RIMS2: variants seen among roughly 807,000 people sequenced by gnomAD.
RIMS2 encodes regulating synaptic membrane exocytosis protein 2.
RIMS2 carries 59 observed loss-of-function variants against 174.4 expected under a neutral mutation model. The ratio of observed to expected loss-of-function variants is 0.34; its 90% CI spans 0.27 to 0.42. RIMS2 has a LOEUF of 0.42. Among genes scored for constraint, RIMS2 ranks in the 10% least tolerant of loss-of-function variants. The pLI is 1.00. For missense variants in RIMS2, 1,620 were observed against 1,666.3 expected (o/e 0.97, Z 0.48); for synonymous variants, 606 against 572.5 (o/e 1.06, Z -0.84).
intron 2 of RIMS2, among the ~76,000 whole-genome samples, chr8:103,765,259 G>T (rs1474640092): frequency 6.6e-6 from 1 of 152,124 alleles, no homozygotes; most frequent in African/African-American, 2.4e-5. Context: ...TTTCAGAAAA[G>T]GGTGAAGGGC....
At chr8:103,831,265 A>G (rs1435420227) in intron 3 of RIMS2, among the ~76,000 whole-genome samples, 2 of 152,138 alleles carry the variant, frequency 1.3e-5, no homozygotes, top group Non-Finnish European at 1.5e-5. Flanking sequence ...CCCCCTTCCA[A>G]ATATGAATAG....
chr8:103,679,676 T>G (rs1472284452), intron 1 of RIMS2, among the ~76,000 whole-genome samples: 5 of 152,008 alleles, frequency 3.3e-5, no homozygotes, highest in Admixed American at 6.6e-5. Context: ...TTAGTTTCCT[T>G]AGTGATGAGG....
chr8:104,087,386 G>A (rs1440402142), intron 19 of RIMS2, among the ~76,000 whole-genome samples: 2 of 152,078 alleles, frequency 1.3e-5, no homozygotes, highest in Non-Finnish European at 2.9e-5. Context: ...TACATGGATG[G>A]ATGGATGGAT....
chr8:103,955,510 T>C (rs1289868784), intron 14 of RIMS2, among the ~76,000 whole-genome samples: 1 of 152,128 alleles, frequency 6.6e-6, no homozygotes, highest in Non-Finnish European at 1.5e-5. Flanking sequence ...CACATGATTA[T>C]CTCAATAGAT....
chr8:103,988,169 C>T (rs539656740), intron 16 of RIMS2, among the ~76,000 whole-genome samples: 1 of 152,252 alleles, frequency 6.6e-6, no homozygotes, highest in South Asian at 2.1e-4. Context: ...ACTTGAATAA[C>T]AGCAGCAAAA....
chr8:103,853,443 C>T (rs1376249611), intron 3 of RIMS2, among the ~76,000 whole-genome samples: 1 of 151,864 alleles, frequency 6.6e-6, no homozygotes, highest in African/African-American at 2.4e-5. Context: ...GGGGATTTAG[C>T]CAAAAATTCT....
intron 19 of RIMS2, among the ~76,000 whole-genome samples, chr8:104,066,113 T>C (rs2097101562): frequency 6.6e-6 from 1 of 152,168 alleles, no homozygotes; most frequent in Non-Finnish European, 1.5e-5. Flanking sequence ...ACACTTATTA[T>C]ATATGCATTG....
At chr8:104,001,437 A>G (rs776467642) in intron 17 of RIMS2, among the ~76,000 whole-genome samples, 3 of 152,002 alleles carry the variant, frequency 2.0e-5, no homozygotes, top group Admixed American at 6.6e-5. Flanking sequence ...AATGTGTATT[A>G]GTTACAACAC....
chr8:104,168,507 T>C (rs2098811104), intron 19 of RIMS2, among the ~76,000 whole-genome samples: 1 of 152,194 alleles, frequency 6.6e-6, no homozygotes, highest in South Asian at 2.1e-4. Context: ...TTTGAGTACC[T>C]TGATTTTGTA....
At chr8:103,697,274 G>C in exon 2 of RIMS2, 1 of 1,613,174 alleles carries the variant, frequency 6.2e-7, no homozygotes, top group Non-Finnish European at 8.5e-7. Context: ...TGTGGAGGTC[G>C]AGTGTCATTA....
At chr8:103,923,741 C>A (rs565850008) in intron 10 of RIMS2, among the ~76,000 whole-genome samples, 2 of 151,752 alleles carry the variant, frequency 1.3e-5, no homozygotes, top group African/African-American at 4.8e-5. Context: ...TACCCATACC[C>A]CACCCACATA....
chr8:104,087,950 A>G (rs1429582944), intron 19 of RIMS2, among the ~76,000 whole-genome samples: 3 of 152,002 alleles, frequency 2.0e-5, no homozygotes, highest in Non-Finnish European at 2.9e-5. Context: ...TTTGCAGAAT[A>G]TTGTTTACAA....
chr8:103,870,349 TCAC>T (rs976118326), intron 3 of RIMS2, among the ~76,000 whole-genome samples: 5 of 150,974 alleles, frequency 3.3e-5, no homozygotes, highest in East Asian at 1.9e-4. Context: ...ACCACTCTTA[TCAC>T]CACCACCACC....
At chr8:104,153,473 A>G (rs2098702661) in intron 19 of RIMS2, among the ~76,000 whole-genome samples, 1 of 152,208 alleles carries the variant, frequency 6.6e-6, no homozygotes. Flanking sequence ...ATAAGACATC[A>G]GTAGCCAATT....
chr8:104,054,922 C>A (rs1401134477), intron 19 of RIMS2, among the ~76,000 whole-genome samples: 1 of 152,002 alleles, frequency 6.6e-6, no homozygotes, highest in Non-Finnish European at 1.5e-5. Flanking sequence ...ATATATCTAA[C>A]AACTAATACT....
intron 1 of RIMS2, among the ~76,000 whole-genome samples, chr8:103,572,363 C>G (rs1322408578): frequency 9.4e-6 from 1 of 106,624 alleles, no homozygotes; most frequent in East Asian, 1.9e-4. Flanking sequence ...GCCGATTGGT[C>G]CATTTTACAG....
At chr8:104,205,859 G>A (rs567400659) in intron 19 of RIMS2, among the ~76,000 whole-genome samples, 1 of 151,532 alleles carries the variant, frequency 6.6e-6, no homozygotes, top group Non-Finnish European at 1.5e-5. Context: ...GGCTTCAAGC[G>A]ATTCTCCTGC....
intron 19 of RIMS2, among the ~76,000 whole-genome samples, chr8:104,222,697 G>A (rs2099161071): frequency 6.6e-6 from 1 of 152,198 alleles, no homozygotes; most frequent in Non-Finnish European, 1.5e-5. Flanking sequence ...GTATGTTTGT[G>A]TTGTTTCCAA....
chr8:104,040,560 A>T (rs994972871), intron 19 of RIMS2, among the ~76,000 whole-genome samples: 4 of 151,634 alleles, frequency 2.6e-5, no homozygotes, highest in Non-Finnish European at 5.9e-5. Flanking sequence ...TTTAGCGTAA[A>T]TTTTAATAAT....
Sources: gnomAD v4.1 joint callset for allele counts (sites outside exome capture counted in the v4.1 genomes callset) on GRCh38, gnomAD v4.1.1 for gene constraint, MANE v1.5 for transcripts, NCBI Gene and HGNC (gene_info 2026-07-23, HGNC 2026-07-21) for gene names.